Variants in PRPF3 observed in about 807,000 individuals in gnomAD.
PRPF3 encodes pre-mRNA processing factor 3.
Under a neutral mutation model 89.2 loss-of-function variants are expected in PRPF3, and 3 were observed. The ratio of observed to expected loss-of-function variants is 0.03; its 90% CI spans 0.02 to 0.09. The LOEUF is 0.09. PRPF3 is among the 10% of genes least tolerant of loss of function. The pLI, the probability that PRPF3 is intolerant of heterozygous loss-of-function variation, is 1.00. For synonymous variants in PRPF3, 270 were observed against 289.1 expected (o/e 0.93, Z 0.67); for missense variants, 463 against 828.8 (o/e 0.56, Z 5.42).
chr1:150,352,509 C>G (rs1553874592), intron 15 of PRPF3, among the ~76,000 whole-genome samples: 1 of 145,288 alleles, frequency 6.9e-6, no homozygotes, highest in African/African-American at 2.5e-5. Flanking sequence ...ACTAGAAATA[C>G]AAAAAATCAG....
chr1:150,330,879 G>A (rs1046598586), intron 4 of PRPF3, among the ~76,000 whole-genome samples: 16 of 150,874 alleles, frequency 1.1e-4, no homozygotes, highest in African/African-American at 3.9e-4. Flanking sequence ...ACCACGCCTA[G>A]CTAATTTTTT....
chr1:150,325,635 T>G (rs1278424558), intron 2 of PRPF3, 116 bp from the exon 3 acceptor site: 1 of 1,391,632 alleles, frequency 7.2e-7, no homozygotes, highest in Admixed American at 1.7e-5. Context: ...TACAAAAAAC[T>G]TAAAATTTGT....
intron 1 of PRPF3, 136 bp from the exon 2 acceptor site, chr1:150,324,759 C>A: frequency 1.8e-6 from 1 of 554,906 alleles, no homozygotes; most frequent in Non-Finnish European, 3.1e-6. Flanking sequence ...GTTGGCCAGA[C>A]TGGTCTCGAA....
chr1:150,338,084 A>AG, intron 7 of PRPF3, 76 bp from the exon 8 acceptor site: 2 of 1,554,778 alleles, frequency 1.3e-6, no homozygotes, highest in East Asian at 2.2e-5. Context: ...CAAAAAAAAA[A>AG]AAAAATTGAG....
At chr1:150,323,779 C>CTTTTT (rs781936072) in intron 1 of PRPF3, among the ~76,000 whole-genome samples, 5 of 126,148 alleles carry the variant, frequency 4.0e-5, no homozygotes, top group Non-Finnish European at 6.4e-5. Context: ...ACAGAACATT[C>CTTTTT]TTTTTTTTTT....
chr1:150,322,031 C>T (rs781892121), intron 1 of PRPF3, among the ~76,000 whole-genome samples: 2 of 152,088 alleles, frequency 1.3e-5, no homozygotes, highest in Non-Finnish European at 2.9e-5. Context: ...ACCCCCACTA[C>T]CCCCGCACCT....
rs1169772517 is a variant in PRPF3, at chr1:150,341,400, A to ATTTTTT, written c.1282+940_1282+945dup. Among the ~76,000 whole-genome samples, 38 of 101,868 alleles carry ATTTTTT rather than the reference A, an allele frequency of 3.7e-4. 1 individual carries two copies. The highest frequency in any genetic ancestry group is 1.2e-3 in the African/African-American group (32 of 27,014). 66.8% of individuals were successfully genotyped at this position (101,868 alleles called of 152,430 possible). ...GAAACTGGGAAACAAAGTTGCTTCT[A>ATTTTTT]TTTTTTTTTTTTTTTTTTTTTTGAG... is the stretch of plus-strand genomic sequence containing the variant. On this transcript the variant is annotated intron_variant, in intron 9 of 15. Transcript: ENST00000324862.
In PRPF3 at chr1:150,327,962, A is replaced by T. The variant is rs183111317; in HGVS notation, c.277-358A>T. On this transcript the variant is annotated intron_variant, in intron 3 of 15. Transcript: ENST00000324862. ...GAAACAAAAGTTTAATCAGAGTGGGATAGGTTATAATGAGGAAAACTTCTT... is the reference window on the plus strand; with the variant it reads ...GAAACAAAAGTTTAATCAGAGTGGGTTAGGTTATAATGAGGAAAACTTCTT... The T allele has an allele frequency of 1.8e-4, 55 of 308,800 alleles. 1 individual carries two copies. In the East Asian group the frequency reaches 4.2e-3, roughly 24 times the overall value. The allele number at this position is 308,800 out of a possible 1,614,324, so 19.1% of individuals were successfully genotyped here. A position where few individuals can be genotyped will look rare whatever the true frequency, so the allele number is the denominator to read the frequency against.
At chr1:150,336,363 A>G (rs1417278763) in intron 7 of PRPF3, among the ~76,000 whole-genome samples, 1 of 152,194 alleles carries the variant, frequency 6.6e-6, no homozygotes, top group African/African-American at 2.4e-5. Context: ...AATCGTAAGT[A>G]CAGATGAGAC....
chr1:150,343,498 A>G (rs371858221), intron 10 of PRPF3, 46 bp downstream of exon 10: 6 of 1,604,106 alleles, frequency 3.7e-6, no homozygotes, highest in Non-Finnish European at 5.1e-6. Context: ...TGGCAAGTTT[A>G]TGTCTTTAAT....
intron 7 of PRPF3, among the ~76,000 whole-genome samples, chr1:150,336,652 A>C (rs939879872): frequency 6.6e-6 from 1 of 151,962 alleles, no homozygotes; most frequent in African/African-American, 2.4e-5. Flanking sequence ...GCTACTTGGG[A>C]GGCTGAGTCA....
chr1:150,349,996 A>G (rs587620424), intron 15 of PRPF3, among the ~76,000 whole-genome samples: 1 of 151,882 alleles, frequency 6.6e-6, no homozygotes, highest in African/African-American at 2.4e-5. Context: ...CCCAGGTTCA[A>G]ACGATTCTCC....
chr1:150,343,851 C>T (rs988842919), intron 10 of PRPF3, among the ~76,000 whole-genome samples: 1 of 152,120 alleles, frequency 6.6e-6, no homozygotes, highest in South Asian at 2.1e-4. Flanking sequence ...TTTGACTGAG[C>T]ACTATTATTT....
At chr1:150,343,248 A>G in intron 9 of PRPF3, 61 bp from the exon 10 acceptor site, 1 of 449,414 alleles carries the variant, frequency 2.2e-6, no homozygotes. Context: ...AAAAAAAAAA[A>G]ATATATATAT....
At chr1:150,352,436 C>T (rs1310784405) in intron 15 of PRPF3, among the ~76,000 whole-genome samples, 1 of 152,176 alleles carries the variant, frequency 6.6e-6, no homozygotes, top group Non-Finnish European at 1.5e-5. Flanking sequence ...GAGGCTGAGG[C>T]GGGAGGATCA....
At chr1:150,342,087 A>G (rs962342277) in intron 9 of PRPF3, among the ~76,000 whole-genome samples, 2 of 152,064 alleles carry the variant, frequency 1.3e-5, no homozygotes, top group Non-Finnish European at 2.9e-5. Flanking sequence ...AACACTACTT[A>G]AGAAAGATAA....
intron 9 of PRPF3, among the ~76,000 whole-genome samples, chr1:150,341,369 A>G (rs1259722538): frequency 2.0e-5 from 3 of 151,132 alleles, no homozygotes; most frequent in Non-Finnish European, 4.4e-5. Context: ...TTAGTTTCCC[A>G]AAGTTGAAAC....
At chr1:150,338,452 A>C in intron 8 of PRPF3, 126 bp downstream of exon 8, 1 of 991,970 alleles carries the variant, frequency 1.0e-6, no homozygotes, top group Non-Finnish European at 1.5e-6. Context: ...ATTAATTAAA[A>C]TTTTTAAATC....
At chr1:150,342,205 C>T (rs1255526490) in intron 9 of PRPF3, among the ~76,000 whole-genome samples, 1 of 151,612 alleles carries the variant, frequency 6.6e-6, no homozygotes, top group African/African-American at 2.4e-5. Flanking sequence ...CAAGGTGAAA[C>T]CCCGTCTCTA....
Sources: gnomAD v4.1 joint callset for allele counts (sites outside exome capture counted in the v4.1 genomes callset) on GRCh38, gnomAD v4.1.1 for gene constraint, MANE v1.5 for transcripts, NCBI Gene and HGNC (gene_info 2026-07-23, HGNC 2026-07-21) for gene names.